The following PXDNL variants were observed in gnomAD, a reference collection of about 807,000 sequenced individuals.
The protein encoded by PXDNL is peroxidasin like.
In PXDNL, 145 loss-of-function variants were observed where a neutral mutation model predicts 150.8. The ratio of observed to expected loss-of-function variants is 0.96; its 90% CI spans 0.84 to 1.10. The LOEUF (loss-of-function observed/expected upper bound fraction) is 1.10, where lower values mean the gene tolerates loss of function less well. PXDNL is among the 50% of genes least tolerant of loss of function. The pLI is 0.00. For synonymous variants in PXDNL, 757 were observed against 725.7 expected, an observed-to-expected ratio of 1.04 and a Z score of -0.69; for missense variants, 2,087 against 1,873.9, an observed-to-expected ratio of 1.11 and a Z score of -2.10.
intron 4 of PXDNL, among the ~76,000 whole-genome samples, chr8:51,542,595 G>A (rs1442794344): frequency 2.0e-5 from 3 of 151,870 alleles, no homozygotes; most frequent in East Asian, 1.9e-4. Flanking sequence ...AATCACATGA[G>A]GTCAGCAGTT....
rs146168272 is a variant in PXDNL at position 51,477,676 on chromosome 8, C to T, written c.525-2535G>A. ...AGTTCTCACTTCAGCATCACCATGA[C>T]GTTCCTCTGACTTGAACATAAGCAA... On this transcript the variant is annotated intron_variant, in intron 6 of 22. Coordinates refer to ENST00000356297, the MANE Select transcript of PXDNL (RefSeq NM_144651.5). Among the ~76,000 whole-genome samples, 80 of 152,328 alleles carry T rather than the reference C, an allele frequency of 5.3e-4. 1 individual carries two copies. The highest frequency in any genetic ancestry group is 1.9e-3 in the African/African-American group (77 of 41,572).
At chr8:51,364,603 A>G (rs1406856028) in intron 19 of PXDNL, among the ~76,000 whole-genome samples, 4 of 152,210 alleles carry the variant, frequency 2.6e-5, no homozygotes, top group Admixed American at 2.6e-4. Flanking sequence ...AGCCAGCCTT[A>G]TATACATAGA....
chr8:51,620,703 C>T (rs1814233764), intron 2 of PXDNL, among the ~76,000 whole-genome samples: 1 of 37,712 alleles, frequency 2.7e-5, no homozygotes, highest in Non-Finnish European at 5.3e-5. Flanking sequence ...GCTGCCACGC[C>T]CGGCTAATTT....
intron 1 of PXDNL, among the ~76,000 whole-genome samples, chr8:51,722,668 C>T (rs1816753380): frequency 6.6e-6 from 1 of 152,154 alleles, no homozygotes; most frequent in Non-Finnish European, 1.5e-5. Flanking sequence ...TTGTCTCCAA[C>T]TGTCCCCAGC....
chr8:51,729,981 G>A (rs1195170279), intron 1 of PXDNL, among the ~76,000 whole-genome samples: 1 of 152,178 alleles, frequency 6.6e-6, no homozygotes, highest in African/African-American at 2.4e-5. Flanking sequence ...AAGAGAAGGG[G>A]GAAGGATAGG....
At chr8:51,669,752 C>T (rs1464624697) in intron 1 of PXDNL, among the ~76,000 whole-genome samples, 1 of 152,082 alleles carries the variant, frequency 6.6e-6, no homozygotes, top group Non-Finnish European at 1.5e-5. Flanking sequence ...CTTCCCTGAC[C>T]GCTGGAATCC....
In PXDNL at chr8:51,744,675, CAAAAAAAA is replaced by C. The variant is rs34751949; in HGVS notation, c.164+64498_164+64505del. Among the ~76,000 whole-genome samples the C allele has an allele frequency of 6.7e-3, 259 of 38,856 alleles. 2 individuals are homozygous for C. Among genetic ancestry groups the C allele is most frequent in the African/African-American group, 0.028 (239 of 8,484 alleles). 25.5% of individuals were successfully genotyped at this position (38,856 alleles called of 152,430 possible). On this transcript the variant is annotated intron_variant, in intron 1 of 22. Transcript: ENST00000356297. ...TGGGTACTTGAGCAAGACTCCATCT[CAAAAAAAA>C]AAAAAAAAAAAAAGGAAGGAAAGAA...
chr8:51,448,286 C>G (rs1349908700), intron 11 of PXDNL, among the ~76,000 whole-genome samples: 1 of 152,172 alleles, frequency 6.6e-6, no homozygotes, highest in Non-Finnish European at 1.5e-5. Context: ...CAGGCCCACG[C>G]CCCACCACCC....
At chr8:51,739,398 C>G (rs909851960) in intron 1 of PXDNL, among the ~76,000 whole-genome samples, 2 of 151,944 alleles carry the variant, frequency 1.3e-5, no homozygotes, top group Admixed American at 1.3e-4. Context: ...TGATAAGTAT[C>G]AGAAGTTCTA....
At chr8:51,735,865 A>C (rs368971143) in intron 1 of PXDNL, among the ~76,000 whole-genome samples, 8 of 152,146 alleles carry the variant, frequency 5.3e-5, no homozygotes, top group East Asian at 3.9e-4. Flanking sequence ...TTTTAATCAT[A>C]ATTAATTCTT....
chr8:51,613,488 G>GA (rs1185567379), intron 2 of PXDNL, among the ~76,000 whole-genome samples: 17 of 88,204 alleles, frequency 1.9e-4, no homozygotes, highest in South Asian at 6.0e-4. Context: ...AGGGGGCGGG[G>GA]GGGGGGCAGG....
At chr8:51,546,141 G>A (rs1031896413) in intron 4 of PXDNL, among the ~76,000 whole-genome samples, 11 of 152,190 alleles carry the variant, frequency 7.2e-5, no homozygotes, top group Non-Finnish European at 4.4e-5. Flanking sequence ...GCAGCTGCTT[G>A]CTGCTACAAG....
At chr8:51,624,532 A>G (rs1814326462) in intron 2 of PXDNL, among the ~76,000 whole-genome samples, 1 of 152,018 alleles carries the variant, frequency 6.6e-6, no homozygotes, top group Non-Finnish European at 1.5e-5. Context: ...AGCTCTGTTG[A>G]CTAGAAATAA....
intron 19 of PXDNL, among the ~76,000 whole-genome samples, chr8:51,365,306 T>A (rs1586037998): frequency 6.6e-6 from 1 of 152,230 alleles, no homozygotes; most frequent in South Asian, 2.1e-4. Context: ...CTAGATCACT[T>A]AGTGATTAAC....
At chr8:51,440,951 A>C (rs1375467644) in intron 12 of PXDNL, among the ~76,000 whole-genome samples, 1 of 152,106 alleles carries the variant, frequency 6.6e-6, no homozygotes, top group Non-Finnish European at 1.5e-5. Flanking sequence ...AGAGGGACCC[A>C]TGTTTTTGGG....
In PXDNL at chr8:51,746,096, T is replaced by TTTAGCAAGACTTTCTA. The variant is rs530206413; in HGVS notation, c.164+63069_164+63084dup. 4.3e-3 allele frequency among the ~76,000 whole-genome samples: 652 copies of TTTAGCAAGACTTTCTA among 152,260 alleles called. 5 individuals carry two copies. The highest frequency in any genetic ancestry group is 0.015 in the African/African-American group (614 of 41,550). ...TTTAAGACACACAATTCCATAGATC[T>TTTAGCAAGACTTTCTA]TTAGCAAGACTTTCTATTAGCAAGA... is the stretch of plus-strand genomic sequence containing the variant. On this transcript the variant is annotated intron_variant, in intron 1 of 22. Transcript: ENST00000356297.
intron 3 of PXDNL, among the ~76,000 whole-genome samples, chr8:51,575,785 T>C (rs60028043): frequency 0.051 from 7,759 of 151,202 alleles, 468 homozygotes; most frequent in African/African-American, 0.15. Context: ...ATAAGAAAAA[T>C]GAGTTCAAGT....
At chr8:51,650,755 G>A (rs1211628252) in intron 2 of PXDNL, among the ~76,000 whole-genome samples, 3 of 152,184 alleles carry the variant, frequency 2.0e-5, no homozygotes, top group African/African-American at 7.2e-5. Flanking sequence ...AACAGCAAAA[G>A]TGAGAATGAT....
intron 5 of PXDNL, among the ~76,000 whole-genome samples, chr8:51,493,807 A>G (rs9650297): frequency 0.98 from 148,733 of 152,294 alleles, 72,707 homozygotes; most frequent in East Asian, 1. Flanking sequence ...ACATCTGACT[A>G]GTGTACCTGA....
Sources: gnomAD v4.1 joint callset for allele counts (sites outside exome capture counted in the v4.1 genomes callset) on GRCh38, gnomAD v4.1.1 for gene constraint, MANE v1.5 for transcripts, NCBI Gene and HGNC (gene_info 2026-07-23, HGNC 2026-07-21) for gene names.